Variants in MB21D2 observed in about 807,000 individuals in gnomAD.
MB21D2 encodes the protein nucleotidyltransferase MB21D2.
Under a neutral mutation model 33.3 loss-of-function variants are expected in MB21D2, and 9 were observed. That is an observed-to-expected ratio of 0.27 (90% CI 0.16 to 0.47). The LOEUF (loss-of-function observed/expected upper bound fraction) is 0.47. Ranked by LOEUF, MB21D2 falls within the 20% of genes least tolerant of loss-of-function variation. MB21D2 has a pLI of 0.99. For missense variants in MB21D2, 540 were observed against 624.6 expected (o/e 0.86, Z 1.44); for synonymous variants, 241 against 236.3 (o/e 1.02, Z -0.18).
intron 1 of MB21D2, among the ~76,000 whole-genome samples, chr3:192,911,213 A>G (rs1431428627): frequency 1.3e-5 from 2 of 150,830 alleles, no homozygotes; most frequent in Admixed American, 6.6e-5. Flanking sequence ...GAATTCCTAT[A>G]TTTTTCTAAT....
chr3:192,873,649 G>A (rs1179207361), intron 1 of MB21D2, among the ~76,000 whole-genome samples: 2 of 152,118 alleles, frequency 1.3e-5, no homozygotes, highest in Admixed American at 6.5e-5. Context: ...CGCTGTCCTC[G>A]TCTGGGAGCT....
chr3:192,894,544 T>C (rs2108648510), intron 1 of MB21D2, among the ~76,000 whole-genome samples: 1 of 152,312 alleles, frequency 6.6e-6, no homozygotes, highest in South Asian at 2.1e-4. Context: ...CCTCTCATTT[T>C]AATAGGGAGG....
chr3:192,878,103 G>GTTTTTTTTTTTTTTTTTTTTTTTT (rs1296544101), intron 1 of MB21D2, among the ~76,000 whole-genome samples: 5 of 134,222 alleles, frequency 3.7e-5, no homozygotes, highest in African/African-American at 2.8e-5. Flanking sequence ...TTTTTTTTTG[G>GTTTTTTTTTTTTTTTTTTTTTTTT]TTTTTTTTGT....
At chr3:192,866,175 T>C (rs896307195) in intron 1 of MB21D2, among the ~76,000 whole-genome samples, 2 of 152,216 alleles carry the variant, frequency 1.3e-5, no homozygotes, top group Non-Finnish European at 2.9e-5. Flanking sequence ...TTAAATATCA[T>C]TATTTCAAGC....
chr3:192,876,903 C>T (rs921864787), intron 1 of MB21D2, among the ~76,000 whole-genome samples: 2 of 152,182 alleles, frequency 1.3e-5, no homozygotes, highest in Non-Finnish European at 2.9e-5. Context: ...TCCTGTGGCA[C>T]CCGCTATTTA....
At chr3:192,905,559 C>A (rs1050006397) in intron 1 of MB21D2, among the ~76,000 whole-genome samples, 2 of 149,690 alleles carry the variant, frequency 1.3e-5, no homozygotes, top group African/African-American at 2.5e-5. Flanking sequence ...ATCGCTTGAA[C>A]CCGGGAGGCA....
chr3:192,880,975 A>T (rs1713553648), intron 1 of MB21D2, among the ~76,000 whole-genome samples: 1 of 152,098 alleles, frequency 6.6e-6, no homozygotes, highest in Admixed American at 6.5e-5. Context: ...ATGTACACAC[A>T]AACATATATA....
chr3:192,814,584 C>CG (rs1711870839), intron 1 of MB21D2, among the ~76,000 whole-genome samples: 1 of 152,018 alleles, frequency 6.6e-6, no homozygotes, highest in Admixed American at 6.6e-5. Context: ...AAGTCTTGGG[C>CG]GGGCGCGGTG....
At chr3:192,874,638 C>T (rs1444259200) in intron 1 of MB21D2, among the ~76,000 whole-genome samples, 1 of 152,194 alleles carries the variant, frequency 6.6e-6, no homozygotes, top group African/African-American at 2.4e-5. Flanking sequence ...TGTGCCCCTT[C>T]ATATTCGCTT....
At chr3:192,804,946 A>G (rs1711632337) in intron 1 of MB21D2, among the ~76,000 whole-genome samples, 1 of 152,196 alleles carries the variant, frequency 6.6e-6, no homozygotes, top group Non-Finnish European at 1.5e-5. Flanking sequence ...CCCAGTTGGA[A>G]AAGATTTTAG....
intron 1 of MB21D2, among the ~76,000 whole-genome samples, chr3:192,834,809 C>CTT (rs71177378): frequency 0.18 from 21,190 of 119,680 alleles, 3,118 homozygotes; most frequent in African/African-American, 0.39. Flanking sequence ...GAGGATTGTT[C>CTT]TTTTTTTTTT....
At chr3:192,888,567 G>A (rs187655559) in intron 1 of MB21D2, among the ~76,000 whole-genome samples, 91 of 152,088 alleles carry the variant, frequency 6.0e-4, no homozygotes, top group African/African-American at 2.1e-3. Context: ...AAAGTCTTCC[G>A]TCCTCAGAGA....
chr3:192,910,324 A>T (rs893189268), intron 1 of MB21D2, among the ~76,000 whole-genome samples: 17 of 150,392 alleles, frequency 1.1e-4, no homozygotes, highest in Non-Finnish European at 2.2e-4. Context: ...AAAAAAATTT[A>T]AAAATTAACT....
intron 1 of MB21D2, among the ~76,000 whole-genome samples, chr3:192,914,331 C>G (rs1191979305): frequency 1.3e-5 from 2 of 152,188 alleles, no homozygotes; most frequent in African/African-American, 4.8e-5. Flanking sequence ...CCGTAAAAAT[C>G]ATGCCATGGT....
chr3:192,909,261 AAAAAAAT>A (rs1208743739), intron 1 of MB21D2, among the ~76,000 whole-genome samples: 4 of 150,350 alleles, frequency 2.7e-5, no homozygotes, highest in Non-Finnish European at 5.9e-5. Context: ...GTCTCAAAAA[AAAAAAAT>A]AAAAAATAAA....
intron 1 of MB21D2, among the ~76,000 whole-genome samples, chr3:192,825,119 G>A (rs895297042): frequency 2.6e-5 from 4 of 152,132 alleles, no homozygotes; most frequent in South Asian, 2.1e-4. Context: ...CTCGAGAATC[G>A]AGGTCTGGTG....
chr3:192,851,081 A>G (rs1712792775), intron 1 of MB21D2, among the ~76,000 whole-genome samples: 1 of 152,256 alleles, frequency 6.6e-6, no homozygotes, highest in South Asian at 2.1e-4. Context: ...GAATGAATTT[A>G]AAAGGTAAAG....
intron 1 of MB21D2, among the ~76,000 whole-genome samples, chr3:192,901,846 T>C (rs955035954): frequency 1.6e-4 from 24 of 152,216 alleles, no homozygotes; most frequent in Admixed American, 5.2e-4. Context: ...CCCACAATGA[T>C]AGACTACATT....
intron 1 of MB21D2, among the ~76,000 whole-genome samples, chr3:192,886,871 A>C (rs1236151906): frequency 6.6e-6 from 1 of 152,090 alleles, no homozygotes; most frequent in Non-Finnish European, 1.5e-5. Flanking sequence ...ACTAATTCAG[A>C]TTCCATTCTC....
Sources: gnomAD v4.1 joint callset for allele counts (sites outside exome capture counted in the v4.1 genomes callset) on GRCh38, gnomAD v4.1.1 for gene constraint, MANE v1.5 for transcripts, NCBI Gene and HGNC (gene_info 2026-07-23, HGNC 2026-07-21) for gene names.